The following ANKRD62 variants were observed in gnomAD, a reference collection of about 807,000 sequenced individuals.
ANKRD62 encodes ankyrin repeat domain 62.
In ANKRD62, 61 loss-of-function variants were observed where a neutral mutation model predicts 98.8. The observed-to-expected ratio is 0.62, with a 90% confidence interval of 0.50 to 0.76. ANKRD62 has a LOEUF of 0.76. ANKRD62 is among the 30% of genes least tolerant of loss of function. The pLI, the probability that ANKRD62 is intolerant of heterozygous loss-of-function variation, is 0.00. For synonymous variants in ANKRD62, 341 were observed against 367.9 expected, an observed-to-expected ratio of 0.93 and a Z score of 0.84; for missense variants, 933 against 1,082.9, an observed-to-expected ratio of 0.86 and a Z score of 1.94.
intron 12 of ANKRD62, 67 bp from the exon 13 acceptor site, chr18:12,125,393 T>C: frequency 7.4e-7 from 1 of 1,348,306 alleles, no homozygotes; most frequent in Non-Finnish European, 9.7e-7. Flanking sequence ...ACTTATTTAG[T>C]TTCAGAAGAA....
At chr18:12,123,159 T>A (rs1909817641) in intron 11 of ANKRD62, among the ~76,000 whole-genome samples, 1 of 152,038 alleles carries the variant, frequency 6.6e-6, no homozygotes. Context: ...GCAATTCTTG[T>A]GCCTCAGCCT....
chr18:12,172,540 G>C, the ANKRD62 span, among the ~76,000 whole-genome samples: 1 of 152,166 alleles, frequency 6.6e-6, no homozygotes, highest in Non-Finnish European at 1.5e-5. Context: ...GCCCCTACTG[G>C]GAGGTGCCTC....
chr18:12,126,031 T>C lies in ANKRD62; in HGVS notation c.2210T>C (p.Met737Thr), dbSNP rs1301810676. 2 of 1,536,258 alleles carry C rather than the reference T, an allele frequency of 1.3e-6. No homozygotes were observed. Among genetic ancestry groups the C allele is most frequent in the Non-Finnish European group, 1.7e-6 (2 of 1,146,918 alleles). The change falls in exon 13 of 14, where the codon ATG (methionine) becomes ACG (threonine). Residue 737 changes from methionine (M) to threonine (T), a missense_variant. By Grantham distance (81) the Met-to-Thr change is moderately conservative. Transcript: ENST00000587848. ...LKEKTLHIEH[M>T]QGVLSRTQRR... ...GAAAAGACGTTGCATATAGAACACA[T>C]GCAAGGAGTCCTAAGCCGAACACAG...
At chr18:12,151,189 G>T in the ANKRD62 span, among the ~76,000 whole-genome samples, 1 of 152,156 alleles carries the variant, frequency 6.6e-6, no homozygotes, top group Non-Finnish European at 1.5e-5. Context: ...AAAAGACAAA[G>T]AAGGGCATTA....
chr18:12,157,660 A>C, the ANKRD62 span, among the ~76,000 whole-genome samples: 1 of 152,092 alleles, frequency 6.6e-6, no homozygotes, highest in Non-Finnish European at 1.5e-5. Context: ...TTCTATTTAC[A>C]TCTTTGTCCT....
At chr18:12,095,411 T>C (rs773834331) in intron 2 of ANKRD62, 26 bp from the exon 3 acceptor site, 2 of 1,556,020 alleles carry the variant, frequency 1.3e-6, no homozygotes, top group African/African-American at 2.7e-5. Flanking sequence ...GAATTTACAG[T>C]CTATTTCTTG....
chr18:12,118,950 G>C (rs1466269560), intron 10 of ANKRD62, among the ~76,000 whole-genome samples: 1 of 152,086 alleles, frequency 6.6e-6, no homozygotes, highest in Non-Finnish European at 1.5e-5. Context: ...TGGAGAGTTA[G>C]TGTTGAATTG....
chr18:12,171,784 C>T, the ANKRD62 span, among the ~76,000 whole-genome samples: 3 of 152,218 alleles, frequency 2.0e-5, no homozygotes, highest in African/African-American at 4.8e-5. Context: ...ACCACTCAGA[C>T]GTAGATTTGG....
rs550055259 is a variant in ANKRD62 at position 12,125,790 on chromosome 18, C to T, written c.1969C>T (p.Arg657Cys). 2.1e-5 allele frequency: 32 copies of T among 1,549,210 alleles called. No homozygotes were observed. The highest frequency in any genetic ancestry group is 1.5e-4 in the African/African-American group (11 of 73,036). The change falls in exon 13 of 14, where the codon CGT (arginine) becomes TGT (cysteine). Residue 657 changes from arginine to cysteine, a missense_variant. Arg to Cys is a radical substitution (Grantham distance 180, BLOSUM62 -3). Transcript: ENST00000587848. ...ACTGGAAACAGAAATGGAATCATAC[C>T]GTTGTAGACTGGCTGCTGCCCTATG... The part of the protein sequence containing the change: ...SRLETEMESY[R>C]CRLAAALCDH...
At chr18:12,113,148 G>A (rs1461052039) in intron 8 of ANKRD62, among the ~76,000 whole-genome samples, 2 of 152,036 alleles carry the variant, frequency 1.3e-5, no homozygotes, top group Non-Finnish European at 2.9e-5. Context: ...GCCCACCTTG[G>A]CCTCCCAAAG....
rs937173805 is a variant in ANKRD62 at position 12,095,300 on chromosome 18, A to G, written c.333+15A>G. On this transcript the variant is annotated intron_variant, in intron 2 of 13. Transcript: ENST00000587848. ...CTCTGATCAAGGTATATGGTAGCCA[A>G]CTCTTTCAGCATGGGATGGATTTAA... 1.3e-6 allele frequency: 2 copies of G among 1,538,124 alleles called. No homozygotes were observed. The highest frequency in any genetic ancestry group is 2.7e-5 in the African/African-American group (2 of 72,952).
chr18:12,180,044 C>T, the ANKRD62 span, among the ~76,000 whole-genome samples: 1 of 47,080 alleles, frequency 2.1e-5, no homozygotes, highest in Admixed American at 2.8e-4. Context: ...GCAGTCTGCA[C>T]CTCTGACCTG....
In ANKRD62 at chr18:12,128,050, C is replaced by T. The variant is rs1182553054; in HGVS notation, c.*111C>T. 8.5e-6 allele frequency: 5 copies of T among 590,988 alleles called. No homozygotes were observed. The highest frequency in any genetic ancestry group is 1.2e-5 in the Non-Finnish European group (5 of 405,950). The allele number at this position is 590,988 out of a possible 1,614,324, so 36.6% of individuals were successfully genotyped here. On this transcript the variant is annotated 3_prime_UTR_variant, in exon 14 of 14. Coordinates refer to ENST00000587848, the MANE Select transcript of ANKRD62 (RefSeq NM_001277333.2). The stretch of plus-strand genomic sequence containing the variant: ...AATTTGATTATCTTTATAATACATC[C>T]ATTTCTCAATCTCTGCCATGTTTTA...
At chr18:12,181,290 A>G in the ANKRD62 span, among the ~76,000 whole-genome samples, 1 of 152,240 alleles carries the variant, frequency 6.6e-6, no homozygotes, top group Non-Finnish European at 1.5e-5. Context: ...TGAAAATGCA[A>G]TAAATAAATT....
At chr18:12,150,616 C>T in the ANKRD62 span, among the ~76,000 whole-genome samples, 2 of 152,154 alleles carry the variant, frequency 1.3e-5, no homozygotes, top group Non-Finnish European at 2.9e-5. Context: ...AGCTGAAACC[C>T]TGCAAGCCAG....
Position 12,096,270 on chromosome 18 carries a change from A to T in ANKRD62, c.582A>T (p.Lys194Asn). The change falls in exon 4 of 14, where the codon AAA (lysine) becomes AAT (asparagine). Residue 194 changes from lysine to asparagine, a missense_variant. Lys to Asn is a moderately conservative substitution (Grantham distance 94). This residue lies in a region of ANKRD62 where 549 missense variants were observed against 587.9 expected (regional missense o/e 0.93). Coordinates refer to ENST00000587848, the MANE Select transcript of ANKRD62 (RefSeq NM_001277333.2). ...EQMVAFLLKK[K>N]PDLTAIDNFG... ...TGGTGGCATTTTTGTTGAAGAAAAA[A>T]CCAGATTTAACTGCAATAGATAATT... The T allele has an allele frequency of 6.5e-7, 1 of 1,533,238 alleles. No individual in the cohort carries two copies. Among genetic ancestry groups the T allele is most frequent in the Non-Finnish European group, 8.7e-7 (1 of 1,144,380 alleles). 95.0% of individuals were successfully genotyped at this position (1,533,238 alleles called of 1,614,324 possible). A position where few individuals can be genotyped will look rare whatever the true frequency, so the allele number is the denominator to read the frequency against.
At chr18:12,136,733 G>A in the ANKRD62 span, among the ~76,000 whole-genome samples, 1 of 152,164 alleles carries the variant, frequency 6.6e-6, no homozygotes, top group Non-Finnish European at 1.5e-5. Flanking sequence ...GCAGTGGTTT[G>A]TAGTTTGTTC....
Position 12,107,284 on chromosome 18 carries a change from T to C in ANKRD62, c.892-11T>C. 6.8e-7 allele frequency: 1 copy of C among 1,479,324 alleles called. No individual in the cohort carries two copies. The highest frequency in any genetic ancestry group is 1.4e-5 in the South Asian group (1 of 72,672). The allele number at this position is 1,479,324 out of a possible 1,614,324, so 91.6% of individuals were successfully genotyped here. On this transcript the variant is annotated splice_polypyrimidine_tract_variant and intron_variant, in intron 7 of 13. Transcript: ENST00000587848. ...ATGACAATTATTCTCAGTATGAAACTTTCATTGAAGGTTGAAGAAAAAATG... is the reference window on the plus strand; with the variant it reads ...ATGACAATTATTCTCAGTATGAAACCTTCATTGAAGGTTGAAGAAAAAATG...
At chr18:12,146,206 T>G in the ANKRD62 span, among the ~76,000 whole-genome samples, 1 of 152,052 alleles carries the variant, frequency 6.6e-6, no homozygotes, top group South Asian at 2.1e-4. Flanking sequence ...TTCTCCTGAC[T>G]TTGTGGGACC....
Sources: gnomAD v4.1 joint callset for allele counts (sites outside exome capture counted in the v4.1 genomes callset) on GRCh38, gnomAD v4.1.1 for gene constraint, gnomAD v4.1.1 regional missense constraint, MANE v1.5 for transcripts, NCBI Gene and HGNC (gene_info 2026-07-23, HGNC 2026-07-21) for gene names.